Variants in MAT2B observed in about 807,000 individuals in gnomAD.
MAT2B encodes methionine adenosyltransferase 2 non-catalytic beta subunit.
A neutral mutation model predicts 36.1 loss-of-function variants in MAT2B; 16 were observed. The observed-to-expected ratio is 0.44, with a 90% CI of 0.30 to 0.67. MAT2B has a LOEUF of 0.67. Among genes scored for constraint, MAT2B ranks in the 30% least tolerant of loss-of-function variants. The pLI is 0.09. For synonymous variants in MAT2B, 148 were observed against 136.9 expected, an observed-to-expected ratio of 1.08 and a Z score of -0.57; for missense variants, 332 against 398.2, an observed-to-expected ratio of 0.83 and a Z score of 1.42.
intron 1 of MAT2B, 109 bp downstream of exon 1, chr5:163,505,858 C>A: frequency 1.1e-6 from 1 of 878,280 alleles, no homozygotes; most frequent in Non-Finnish European, 1.5e-6. Context: ...TCAGAGCCTC[C>A]GGCCGGGAGT....
intron 2 of MAT2B, 194 bp from the exon 3 acceptor site, chr5:163,513,361 A>G (rs1408887462): frequency 6.1e-6 from 3 of 493,704 alleles, no homozygotes; most frequent in South Asian, 3.2e-5. Flanking sequence ...TTCAGTGCCT[A>G]TAAATATTTT....
At chr5:163,509,943 C>T (rs1361573728) in intron 1 of MAT2B, among the ~76,000 whole-genome samples, 1 of 152,052 alleles carries the variant, frequency 6.6e-6, no homozygotes, top group Non-Finnish European at 1.5e-5. Context: ...AAGAATTTAC[C>T]TTTATACTAT....
intron 4 of MAT2B, among the ~76,000 whole-genome samples, chr5:163,515,770 CTTTTT>C (rs66978639): frequency 1.3e-4 from 9 of 69,812 alleles, no homozygotes; most frequent in African/African-American, 4.4e-4. Flanking sequence ...TTGCCTTTTT[CTTTTT>C]TTTTTTTTTT....
chr5:163,513,591 C>G lies in MAT2B; in HGVS notation c.295C>G (p.Pro99Ala). Residue 99 changes from proline to alanine, a missense_variant, in exon 3 of 7, where the codon CCA becomes GCA. Physicochemically the swap from Pro to Ala is conservative, Grantham distance 27. Transcript: ENST00000321757. ...VIVHCAAERR[P>A]DVVENQPDAA... Reference sequence around the variant, plus strand: ...AGTACATTGTGCAGCAGAGAGAAGACCAGATGTTGTAGAAAATCAGCCAGA... The same window carrying G: ...AGTACATTGTGCAGCAGAGAGAAGAGCAGATGTTGTAGAAAATCAGCCAGA... The G allele has an allele frequency of 1.2e-6, 2 of 1,613,286 alleles. No individual in the cohort carries two copies. The highest frequency in any genetic ancestry group is 1.7e-6 in the Non-Finnish European group (2 of 1,179,328).
At chr5:163,514,068 G>A in intron 4 of MAT2B, 74 bp downstream of exon 4, 1 of 1,190,800 alleles carries the variant, frequency 8.4e-7, no homozygotes, top group Non-Finnish European at 1.1e-6. Context: ...ACATATATAT[G>A]TTTTAAATTT....
chr5:163,504,930 C>G (rs1019174273), upstream of MAT2B, among the ~76,000 whole-genome samples: 1 of 152,062 alleles, frequency 6.6e-6, no homozygotes, highest in Non-Finnish European at 1.5e-5. Flanking sequence ...AAGTCGGACC[C>G]CGGGCTCGTT....
intron 4 of MAT2B, among the ~76,000 whole-genome samples, chr5:163,514,302 C>G (rs2113559181): frequency 6.6e-6 from 1 of 152,016 alleles, no homozygotes; most frequent in Admixed American, 6.5e-5. Flanking sequence ...GTGAGATATT[C>G]TGTTTATGTA....
intron 1 of MAT2B, among the ~76,000 whole-genome samples, chr5:163,510,378 CGTTTATTA>C (rs1289958124): frequency 2.1e-5 from 3 of 143,240 alleles, no homozygotes; most frequent in Non-Finnish European, 4.6e-5. Flanking sequence ...TTATCCTTTG[CGTTTATTA>C]GTTTTAGCTT....
chr5:163,504,713 T>A (rs947849028), upstream of MAT2B, among the ~76,000 whole-genome samples: 7 of 152,196 alleles, frequency 4.6e-5, no homozygotes, highest in Admixed American at 1.3e-4. Flanking sequence ...GGCTGAGGAT[T>A]TTTTGCGGTT....
At chr5:163,512,277 A>G (rs1489739188) in intron 2 of MAT2B, 81 bp downstream of exon 2, 28 of 1,219,874 alleles carry the variant, frequency 2.3e-5, no homozygotes, top group Non-Finnish European at 3.1e-5. Context: ...CTTGCTCTCA[A>G]GGAAATTACT....
intron 1 of MAT2B, among the ~76,000 whole-genome samples, chr5:163,510,708 T>C (rs1438706531): frequency 2.0e-5 from 3 of 152,162 alleles, no homozygotes; most frequent in South Asian, 2.1e-4. Flanking sequence ...ATTTTAACTC[T>C]TCTATGTAGG....
chr5:163,507,525 C>T (rs1413994856), intron 1 of MAT2B, among the ~76,000 whole-genome samples: 2 of 152,044 alleles, frequency 1.3e-5, no homozygotes, highest in Non-Finnish European at 2.9e-5. Context: ...TCTACTTTCC[C>T]CCATATAATA....
At chr5:163,511,673 G>A (rs1158116451) in intron 1 of MAT2B, among the ~76,000 whole-genome samples, 1 of 146,802 alleles carries the variant, frequency 6.8e-6, no homozygotes, top group African/African-American at 2.5e-5. Context: ...TGTGTTTTCT[G>A]CTTTTTTTAT....
intron 2 of MAT2B, 69 bp downstream of exon 2, chr5:163,512,265 T>C: frequency 7.6e-7 from 1 of 1,320,212 alleles, no homozygotes; most frequent in Non-Finnish European, 1.1e-6. Context: ...ACAGAAACTA[T>C]CCTTGCTCTC....
At chr5:163,515,392 T>G (rs763415738) in intron 4 of MAT2B, among the ~76,000 whole-genome samples, 3 of 152,236 alleles carry the variant, frequency 2.0e-5, no homozygotes, top group Non-Finnish European at 4.4e-5. Context: ...TTGTCACATT[T>G]GTTTTATATG....
Position 163,516,694 on chromosome 5 carries a change from G to A in MAT2B, c.703G>A (p.Ala235Thr). The part of the protein sequence containing the change: ...KDVATVCRQL[A>T]EKRMLDPSIK... Reference sequence around the variant, plus strand: ...TGTGGCCACTGTGTGCCGGCAGCTAGCAGAGAAGAGAATGCTGGTAAGAAG... The same window carrying A: ...TGTGGCCACTGTGTGCCGGCAGCTAACAGAGAAGAGAATGCTGGTAAGAAG... Residue 235 changes from alanine to threonine, a missense_variant, in exon 5 of 7, where the codon GCA becomes ACA. Coordinates refer to ENST00000321757, the MANE Select transcript of MAT2B (RefSeq NM_013283.5). 6.2e-7 allele frequency: 1 copy of A among 1,614,168 alleles called. No individual in the cohort carries two copies. The highest frequency in any genetic ancestry group is 8.5e-7 in the Non-Finnish European group (1 of 1,180,044).
chr5:163,515,449 A>C (rs569686963), intron 4 of MAT2B, among the ~76,000 whole-genome samples: 3 of 152,284 alleles, frequency 2.0e-5, no homozygotes, highest in African/African-American at 7.2e-5. Flanking sequence ...TTCATCTCCA[A>C]ATACTTTACC....
chr5:163,511,897 A>G, intron 1 of MAT2B, 105 bp from the exon 2 acceptor site: 1 of 863,790 alleles, frequency 1.2e-6, no homozygotes, highest in African/African-American at 1.7e-5. Flanking sequence ...ACATGAGTCA[A>G]AATACGTAGA....
chr5:163,514,936 A>G (rs1027624652), intron 4 of MAT2B, among the ~76,000 whole-genome samples: 2 of 152,214 alleles, frequency 1.3e-5, no homozygotes, highest in African/African-American at 4.8e-5. Flanking sequence ...TATTTCACAC[A>G]GTTCTAGAGG....
Sources: allele counts gnomAD v4.1 joint callset (sites outside exome capture counted in the v4.1 genomes callset), GRCh38; gene constraint gnomAD v4.1.1; transcripts MANE v1.5; gene names NCBI Gene and HGNC (gene_info 2026-07-23, HGNC 2026-07-21).